Variants in TIPIN observed in about 807,000 individuals in gnomAD.
TIPIN encodes the protein TIMELESS-interacting protein.
TIPIN carries 29 observed loss-of-function variants against 35.6 expected under a neutral mutation model. That is an observed-to-expected ratio of 0.82 (90% CI 0.61 to 1.11). The LOEUF (loss-of-function observed/expected upper bound fraction) is 1.11, where lower values mean the gene tolerates loss of function less well. Ranked by LOEUF, TIPIN falls within the 50% of genes most tolerant of loss-of-function variation. The probability of loss-of-function intolerance (pLI) is 0.00; values close to 1 mark genes in which losing one functional copy is unlikely to be tolerated. For missense variants in TIPIN, 296 were observed against 345.4 expected (o/e 0.86, Z 1.13); for synonymous variants, 102 against 121.5 (o/e 0.84, Z 1.06).
chr15:66,366,455 A>G (rs1216322375), intron 1 of TIPIN, among the ~76,000 whole-genome samples: 1 of 151,314 alleles, frequency 6.6e-6, no homozygotes, highest in African/African-American at 2.4e-5. Context: ...TTCTGTCTCA[A>G]AAAATAAAGC....
At chr15:66,371,246 T>C in intron 1 of TIPIN, 2 of 983,632 alleles carry the variant, frequency 2.0e-6, no homozygotes, top group Non-Finnish European at 2.4e-6. Flanking sequence ...AGCTTTCTAC[T>C]ACCTGTTGTA....
intron 6 of TIPIN, chr15:66,348,435 G>A (rs2093142453): frequency 6.7e-6 from 1 of 150,156 alleles, no homozygotes; most frequent in South Asian, 2.1e-4. Flanking sequence ...ACTTTGGGAG[G>A]CCAAGGTGGG....
intron 1 of TIPIN, among the ~76,000 whole-genome samples, chr15:66,364,976 G>A (rs28749189): frequency 7.3e-3 from 135 of 18,378 alleles, no homozygotes; most frequent in East Asian, 0.015. Context: ...CAAAAAAAAA[G>A]AAAAAGAAAA....
chr15:66,371,269 C>G (rs2093276774), intron 1 of TIPIN: 2 of 983,962 alleles, frequency 2.0e-6, no homozygotes, highest in Middle Eastern at 5.2e-4. Context: ...CTTTTCTGGT[C>G]TCCCTCCCCT....
intron 1 of TIPIN, chr15:66,379,619 G>T: frequency 8.7e-6 from 14 of 1,608,792 alleles, no homozygotes; most frequent in Non-Finnish European, 1.2e-5. Flanking sequence ...CGATGATGGG[G>T]AAGTAAGCAT....
chr15:66,356,693 C>T (rs2093206475), upstream of TIPIN: 1 of 985,542 alleles, frequency 1.0e-6, no homozygotes, highest in Non-Finnish European at 1.2e-6. Flanking sequence ...ACTAAGCGCG[C>T]TTCTCGCGAT....
intron 1 of TIPIN, among the ~76,000 whole-genome samples, chr15:66,371,690 G>T (rs576335212): frequency 2.8e-4 from 42 of 150,538 alleles, no homozygotes; most frequent in South Asian, 2.1e-4. Context: ...ATTTTTTTTT[G>T]AATTTTTTAG....
At position 66,341,333 on chromosome 15, in the gene TIPIN, G is replaced by T; in HGVS notation, c.499C>A (p.His167Asn). The change falls in exon 7 of 8, where the codon CAT becomes AAT. Residue 167 changes from histidine to asparagine, a missense_variant. His to Asn is a moderately conservative substitution (Grantham distance 68). Transcript: ENST00000261881. ...NNDEVAENNE[H>N]DVTSTELDPF... is the part of the protein sequence containing the mutation. ...TCTAATTCAGTAGAAGTGACATCAT[G>T]TTCATTATTCTCCGCAACTTCATCT... The T allele has an allele frequency of 6.2e-7, 1 of 1,613,340 alleles. No homozygotes were observed. Among genetic ancestry groups the T allele is most frequent in the Non-Finnish European group, 8.5e-7 (1 of 1,179,804 alleles).
intron 2 of TIPIN, among the ~76,000 whole-genome samples, chr15:66,352,549 C>CA (rs929588820): frequency 3.3e-5 from 5 of 152,146 alleles, no homozygotes; most frequent in African/African-American, 1.2e-4. Context: ...CTCGGCCTCC[C>CA]AAAGTGCTGG....
intron 1 of TIPIN, among the ~76,000 whole-genome samples, chr15:66,385,426 C>T (rs1277738910): frequency 2.0e-5 from 3 of 152,192 alleles, no homozygotes; most frequent in African/African-American, 7.2e-5. Context: ...TATTGTGCCT[C>T]TTATTAAGCT....
At chr15:66,362,236 G>A (rs2093234776) in intron 1 of TIPIN, among the ~76,000 whole-genome samples, 1 of 151,764 alleles carries the variant, frequency 6.6e-6, no homozygotes, top group Non-Finnish European at 1.5e-5. Context: ...CCAGGAGGCA[G>A]AAGTTGCAGT....
chr15:66,377,023 G>A (rs532124802), intron 1 of TIPIN, among the ~76,000 whole-genome samples: 2 of 146,686 alleles, frequency 1.4e-5, no homozygotes, highest in South Asian at 2.2e-4. Context: ...CAGGAGAATC[G>A]CTTGAACCCG....
intron 1 of TIPIN, among the ~76,000 whole-genome samples, chr15:66,380,799 A>T (rs565447162): frequency 6.6e-6 from 1 of 152,154 alleles, no homozygotes; most frequent in Non-Finnish European, 1.5e-5. Context: ...CAGGCGACAG[A>T]GCAAGACTCC....
At chr15:66,378,398 G>A (rs989466831) in intron 1 of TIPIN, among the ~76,000 whole-genome samples, 1 of 152,048 alleles carries the variant, frequency 6.6e-6, no homozygotes, top group Non-Finnish European at 1.5e-5. Context: ...GCCTCCCAAA[G>A]TGCTGGGATT....
At chr15:66,383,670 A>C (rs1424776794) in intron 1 of TIPIN, 2 of 778,438 alleles carry the variant, frequency 2.6e-6, no homozygotes, top group Admixed American at 6.3e-5. Context: ...ATACATTTAC[A>C]TCTATGCCTC....
At chr15:66,379,549 T>C in intron 1 of TIPIN, 2 of 1,611,080 alleles carry the variant, frequency 1.2e-6, no homozygotes, top group Non-Finnish European at 1.7e-6. Context: ...ACCCTGCGGA[T>C]GTATTTTTCA....
At chr15:66,364,158 CTTTTTTTT>C (rs747825457) in intron 1 of TIPIN, among the ~76,000 whole-genome samples, 7 of 73,796 alleles carry the variant, frequency 9.5e-5, no homozygotes, top group African/African-American at 1.8e-4. Context: ...TCTTTCTTTT[CTTTTTTTT>C]TTTTTTTTTT....
chr15:66,345,689 C>G (rs958880530), intron 6 of TIPIN, among the ~76,000 whole-genome samples: 5 of 151,166 alleles, frequency 3.3e-5, no homozygotes, highest in African/African-American at 1.2e-4. Context: ...CCAGCCTAGG[C>G]AACAGAGTGA....
intron 1 of TIPIN, among the ~76,000 whole-genome samples, chr15:66,368,484 G>C (rs1467365638): frequency 6.6e-6 from 1 of 152,000 alleles, no homozygotes; most frequent in Non-Finnish European, 1.5e-5. Context: ...AGCCATGATC[G>C]TGCTACTGTT....
Sources: allele counts gnomAD v4.1 joint callset (sites outside exome capture counted in the v4.1 genomes callset), GRCh38; gene constraint gnomAD v4.1.1; transcripts MANE v1.5; gene names NCBI Gene and HGNC (gene_info 2026-07-23, HGNC 2026-07-21).